RALGAPA1: variants seen among roughly 807,000 people sequenced by gnomAD.
The protein encoded by RALGAPA1 is Ral GTPase activating protein catalytic subunit alpha 1, also known as ral GTPase-activating protein subunit alpha-1.
Under a neutral mutation model 269.6 loss-of-function variants are expected in RALGAPA1, and 52 were observed. The ratio of observed to expected loss-of-function variants is 0.19; its 90% confidence interval spans 0.15 to 0.24. The LOEUF is 0.24. Ranked by LOEUF, RALGAPA1 falls within the 10% of genes least tolerant of loss-of-function variation. RALGAPA1 has a pLI of 1.00. For missense variants in RALGAPA1, 1,917 were observed against 3,013.9 expected (o/e 0.64, Z 8.52); for synonymous variants, 817 against 1,008.3 (o/e 0.81, Z 3.60).
At chr14:35,746,630 G>A (rs989932131) in intron 10 of RALGAPA1, among the ~76,000 whole-genome samples, 3 of 152,056 alleles carry the variant, frequency 2.0e-5, no homozygotes, top group African/African-American at 7.2e-5. Context: ...ATTTCTAAAT[G>A]ACGAACTTCA....
In RALGAPA1 at chr14:35,672,839, C is replaced by T. The variant is rs2064589873; in HGVS notation, c.5073+28G>A. On this transcript the variant is annotated intron_variant, in intron 25 of 41. Transcript: ENST00000680220. ...AAAGATAATATGATATAAACTACTT[C>T]TTAGATGATACATATATATATAGTT... 7 of 1,470,208 alleles carry T rather than the reference C, an allele frequency of 4.8e-6. No individual in the cohort carries two copies. The East Asian group carries it at 1.6e-4, about 33-fold the overall frequency. The allele number at this position is 1,470,208 out of a possible 1,614,324, so 91.1% of individuals were successfully genotyped here.
At chr14:35,707,799 T>C (rs184601539) in intron 16 of RALGAPA1, among the ~76,000 whole-genome samples, 5 of 152,326 alleles carry the variant, frequency 3.3e-5, no homozygotes, top group African/African-American at 1.2e-4. Context: ...GTTCAGATTA[T>C]CTAGTTCTTC....
chr14:35,752,243 T>G, intron 7 of RALGAPA1, 81 bp from the exon 8 acceptor site: 1 of 1,358,894 alleles, frequency 7.4e-7, no homozygotes, highest in Non-Finnish European at 9.7e-7. Flanking sequence ...TAAACAAGCT[T>G]GTAAAAGGTT....
Position 35,664,710 on chromosome 14 carries a change from A to G in RALGAPA1, c.5260T>C (p.Tyr1754His), listed in dbSNP as rs749999137. The G allele has an allele frequency of 6.8e-6, 11 of 1,612,910 alleles. No individual in the cohort carries two copies. Among genetic ancestry groups the G allele is most frequent in the Non-Finnish European group, 7.6e-6 (9 of 1,179,262 alleles). ...LGSLVCFPNLYCELPSLHPNI... is the reference protein window; with the variant it reads ...LGSLVCFPNLHCELPSLHPNI... ...GGATGAAGAGAAGGCAGTTCACAAT[A>G]TAAGTTGGGAAAGCAAACCAAAGAT... Residue 1754 changes from tyrosine (Y) to histidine (H), a missense_variant, in exon 27 of 42, where the codon TAT becomes CAT. Transcript: ENST00000680220.
chr14:35,589,929 A>G (rs2058538184), intron 37 of RALGAPA1, among the ~76,000 whole-genome samples: 1 of 152,028 alleles, frequency 6.6e-6, no homozygotes, highest in South Asian at 2.1e-4. Flanking sequence ...CCTGAGCTTG[A>G]GCAATCCTCC....
At chr14:35,763,524 T>A (rs571929039) in intron 4 of RALGAPA1, among the ~76,000 whole-genome samples, 52 of 152,274 alleles carry the variant, frequency 3.4e-4, no homozygotes, top group East Asian at 3.9e-4. Context: ...TTTATTTTTT[T>A]AAAAAGTTAT....
chr14:35,727,167 C>A (rs2070014619), intron 13 of RALGAPA1, among the ~76,000 whole-genome samples: 1 of 151,166 alleles, frequency 6.6e-6, no homozygotes, highest in Non-Finnish European at 1.5e-5. Context: ...AGTACTTAGT[C>A]AAAGCATATA....
At chr14:35,571,667 C>A (rs2057209994) in intron 38 of RALGAPA1, among the ~76,000 whole-genome samples, 1 of 152,070 alleles carries the variant, frequency 6.6e-6, no homozygotes, top group South Asian at 2.1e-4. Context: ...GAGCGAGAGC[C>A]AGACTCCGTC....
chr14:35,733,530 A>G (rs1047274364), intron 12 of RALGAPA1, among the ~76,000 whole-genome samples: 2 of 152,130 alleles, frequency 1.3e-5, no homozygotes, highest in African/African-American at 2.4e-5. Context: ...CTGAACGACA[A>G]TAATGACACA....
At chr14:35,678,198 C>A in intron 21 of RALGAPA1, 96 bp from the exon 22 acceptor site, 1 of 1,198,186 alleles carries the variant, frequency 8.3e-7, no homozygotes, top group Non-Finnish European at 1.1e-6. Context: ...ATTTTAAACA[C>A]CAAAAGATAA....
At chr14:35,793,775 A>G (rs943693306) in intron 1 of RALGAPA1, among the ~76,000 whole-genome samples, 6 of 152,354 alleles carry the variant, frequency 3.9e-5, no homozygotes, top group Non-Finnish European at 7.3e-5. Flanking sequence ...GGCTGTAATC[A>G]GCTCATCTCT....
chr14:35,711,788 T>C (rs367650358), intron 16 of RALGAPA1, among the ~76,000 whole-genome samples: 1 of 152,158 alleles, frequency 6.6e-6, no homozygotes, highest in African/African-American at 2.4e-5. Flanking sequence ...GTCCTCTTTT[T>C]AAAACAATGC....
At chr14:35,622,011 T>G (rs754367930) in intron 35 of RALGAPA1, among the ~76,000 whole-genome samples, 1 of 152,220 alleles carries the variant, frequency 6.6e-6, no homozygotes, top group Non-Finnish European at 1.5e-5. Flanking sequence ...ATACCGTTAC[T>G]GGGTATATAC....
intron 1 of RALGAPA1, among the ~76,000 whole-genome samples, chr14:35,807,160 C>T (rs1185043410): frequency 6.6e-6 from 1 of 152,204 alleles, no homozygotes; most frequent in Non-Finnish European, 1.5e-5. Flanking sequence ...ATAGCTGTGT[C>T]ATTACCTAAC....
At chr14:35,662,152 A>G (rs1449320204) in intron 27 of RALGAPA1, among the ~76,000 whole-genome samples, 2 of 152,240 alleles carry the variant, frequency 1.3e-5, no homozygotes, top group Non-Finnish European at 2.9e-5. Context: ...CAAACAGCTC[A>G]TCTGAGAAGT....
At chr14:35,737,759 CAAAAAAAAAAAA>C (rs60152249) in intron 12 of RALGAPA1, among the ~76,000 whole-genome samples, 41 of 17,420 alleles carry the variant, frequency 2.4e-3, no homozygotes, top group East Asian at 7.2e-3. Flanking sequence ...AAATCCATCT[CAAAAAAAAAAAA>C]AAAAAAAAAA....
At chr14:35,577,287 A>T (rs928312592) in intron 37 of RALGAPA1, among the ~76,000 whole-genome samples, 6 of 150,786 alleles carry the variant, frequency 4.0e-5, no homozygotes, top group Non-Finnish European at 1.5e-5. Flanking sequence ...CCCCAAATTC[A>T]TATTGTGAAA....
At chr14:35,571,391 T>TG in intron 38 of RALGAPA1, among the ~76,000 whole-genome samples, 1 of 151,052 alleles carries the variant, frequency 6.6e-6, no homozygotes, top group South Asian at 2.1e-4. Flanking sequence ...TTTTTTTTTT[T>TG]AATTCTTTAA....
chr14:35,646,107 T>G (rs1023890866), intron 31 of RALGAPA1, among the ~76,000 whole-genome samples: 1 of 152,106 alleles, frequency 6.6e-6, no homozygotes, highest in Admixed American at 6.5e-5. Context: ...TCCTTATACG[T>G]AGAAAGCTAA....
Sources: allele counts gnomAD v4.1 joint callset (sites outside exome capture counted in the v4.1 genomes callset), GRCh38; gene constraint gnomAD v4.1.1; transcripts MANE v1.5; gene names NCBI Gene and HGNC (gene_info 2026-07-23, HGNC 2026-07-21).